Variants in SAP30 observed in about 807,000 individuals in gnomAD.
SAP30 encodes the protein Sin3A associated protein 30.
In SAP30, 13 loss-of-function variants were observed where a neutral mutation model predicts 19.6. The observed-to-expected ratio is 0.66, with a 90% CI of 0.43 to 1.05. The LOEUF (loss-of-function observed/expected upper bound fraction) is 1.05, where lower values mean the gene tolerates loss of function less well. SAP30 is among the 50% of genes least tolerant of loss of function. SAP30 has a pLI of 0.00. For missense variants in SAP30, 257 were observed against 292.1 expected, an observed-to-expected ratio of 0.88 and a Z score of 0.88; for synonymous variants, 108 against 122.7, an observed-to-expected ratio of 0.88 and a Z score of 0.79.
chr4:173,374,074 C>T (rs948477207), intron 3 of SAP30, 37 bp downstream of exon 3: 3 of 1,139,846 alleles, frequency 2.6e-6, no homozygotes, highest in Non-Finnish European at 3.9e-6. Context: ...ACTATCTGCA[C>T]AACCGAGAGG....
chr4:173,371,341 TGGGCCCCCGGGGGCGGCC>T lies in SAP30; in HGVS notation c.165_182del (p.Pro56_Pro61del). 7.0e-7 allele frequency: 1 copy of T among 1,425,430 alleles called. No homozygotes were observed. The highest frequency in any genetic ancestry group is 9.1e-7 in the Non-Finnish European group (1 of 1,096,356). The allele number at this position is 1,425,430 out of a possible 1,614,324, so 88.3% of individuals were successfully genotyped here. On this transcript the variant is annotated inframe_deletion, in exon 1 of 4. Transcript: ENST00000296504. This position sits in a 1 kb window ranked among gnomAD's most constrained non-coding sequence, Gnocchi z 6.4. ...CGGGCGCGGGGGCGGTCTCAGCGGCTGGGCCCCCGGGGGCGGCCGGGCCGGGCCCCGGGCAACTGTGCT... is the reference window on the plus strand; with the variant it reads ...CGGGCGCGGGGGCGGTCTCAGCGGCTGGGCCGGGCCCCGGGCAACTGTGCT...
At position 173,371,208 on chromosome 4, in the gene SAP30, T is replaced by C. The variant is rs752888154; in HGVS notation, c.26T>C (p.Met9Thr). MNGFTPDE[M>T]SRGGDAAAAV... is the part of the protein sequence containing the mutation. Reference sequence around the variant, plus strand: ...ATGAACGGCTTCACGCCTGACGAGATGAGCCGCGGCGGGGATGCGGCCGCC... The same window carrying C: ...ATGAACGGCTTCACGCCTGACGAGACGAGCCGCGGCGGGGATGCGGCCGCC... Residue 9 changes from methionine (M) to threonine (T), a missense_variant, in exon 1 of 4, where the codon ATG becomes ACG. By Grantham distance (81) the Met-to-Thr change is moderately conservative. Coordinates refer to ENST00000296504, the MANE Select transcript of SAP30 (RefSeq NM_003864.4). This position sits in a 1 kb window ranked among gnomAD's most constrained non-coding sequence, Gnocchi z 6.4. The C allele has an allele frequency of 1.0e-5, 15 of 1,458,704 alleles. No homozygotes were observed. The highest frequency in any genetic ancestry group is 6.9e-5 in the Admixed American group (3 of 43,662). 90.4% of individuals were successfully genotyped at this position (1,458,704 alleles called of 1,614,324 possible). A position where few individuals can be genotyped will look rare whatever the true frequency, so the allele number is the denominator to read the frequency against.
intron 2 of SAP30, 100 bp from the exon 3 acceptor site, chr4:173,373,839 A>AT (rs5864192): frequency 0.97 from 503,945 of 519,162 alleles, 245,024 homozygotes; most frequent in Non-Finnish European, 0.99. Flanking sequence ...TTGGAAGTAA[A>AT]TTTTATTGTG....
chr4:173,375,070 T>A (rs1739011977), intron 3 of SAP30, among the ~76,000 whole-genome samples: 1 of 150,544 alleles, frequency 6.6e-6, no homozygotes, highest in Admixed American at 6.6e-5. Context: ...AAATTTTTAC[T>A]TGCAGCTACT....
chr4:173,371,278 G>T lies in SAP30; in HGVS notation c.96G>T (p.Ala32=). 1 of 1,271,796 alleles carries T rather than the reference G, an allele frequency of 7.9e-7. No homozygotes were observed. Among genetic ancestry groups the T allele is most frequent in the African/African-American group, 1.6e-5 (1 of 62,730 alleles). 78.8% of individuals were successfully genotyped at this position (1,271,796 alleles called of 1,614,324 possible). A position where few individuals can be genotyped will look rare whatever the true frequency, so the allele number is the denominator to read the frequency against. Residue 32 remains alanine, a synonymous_variant, in exon 1 of 4, where the codon GCG becomes GCT. Transcript: ENST00000296504. This position sits in a 1 kb window ranked among gnomAD's most constrained non-coding sequence, Gnocchi z 6.4. ...CTGCCGCGGCCGCCGCCGCCTCGGCGGGGAACGGGACCGGCGCGGGCACCG... is the reference window on the plus strand; with the variant it reads ...CTGCCGCGGCCGCCGCCGCCTCGGCTGGGAACGGGACCGGCGCGGGCACCG... ...VVAAAAAAAS[A]GNGTGAGTGA... is the part of the protein sequence containing the mutation.
At chr4:173,373,726 C>T (rs1738990608) in intron 2 of SAP30, among the ~76,000 whole-genome samples, 1 of 152,122 alleles carries the variant, frequency 6.6e-6, no homozygotes, top group Non-Finnish European at 1.5e-5. Context: ...TGTCACATAA[C>T]TTACTCTTTT....
intron 3 of SAP30, among the ~76,000 whole-genome samples, chr4:173,374,239 A>T (rs1030337139): frequency 6.6e-6 from 1 of 152,188 alleles, no homozygotes; most frequent in African/African-American, 2.4e-5. Context: ...ACTGCTTAGT[A>T]GATTGTGTAC....
In SAP30 at chr4:173,371,645, C is replaced by A; in HGVS notation, c.315+148C>A. The stretch of plus-strand genomic sequence containing the variant: ...GGAGTCTGTGTTTGGAAGCAAATAA[C>A]AAAGTCGCTGCAACTCCTACCGCCA... On this transcript the variant is annotated intron_variant, in intron 1 of 3. Transcript: ENST00000296504. The surrounding 1 kb of genome is among the most constrained non-coding windows in gnomAD (Gnocchi z 6.4). 7.3e-7 allele frequency: 1 copy of A among 1,361,060 alleles called. No homozygotes were observed. The highest frequency in any genetic ancestry group is 9.6e-7 in the Non-Finnish European group (1 of 1,037,372). The allele number at this position is 1,361,060 out of a possible 1,614,324, so 84.3% of individuals were successfully genotyped here.
chr4:173,373,262 ATTATC>A, intron 1 of SAP30, 123 bp from the exon 2 acceptor site: 1 of 724,484 alleles, frequency 1.4e-6, no homozygotes, highest in Non-Finnish European at 2.1e-6. Flanking sequence ...TAAATATTCC[ATTATC>A]TTAACAATGG....
chr4:173,377,476 C>G lies in SAP30; in HGVS notation c.*149C>G, dbSNP rs1285195743. 1 of 685,646 alleles carries G rather than the reference C, an allele frequency of 1.5e-6. No homozygotes were observed. The highest frequency in any genetic ancestry group is 2.3e-6 in the Non-Finnish European group (1 of 433,176). The allele number at this position is 685,646 out of a possible 1,614,324, so 42.5% of individuals were successfully genotyped here. ...TGACTCTAATAATTAGTTGGAAACT[C>G]ATATAAAATGAGCTTTCCTAAATTA... On this transcript the variant is annotated 3_prime_UTR_variant, in exon 4 of 4. Transcript: ENST00000296504.
chr4:173,376,845 C>T (rs992441285), intron 3 of SAP30, among the ~76,000 whole-genome samples: 1 of 152,020 alleles, frequency 6.6e-6, no homozygotes, highest in Non-Finnish European at 1.5e-5. Flanking sequence ...TGGTCTCAAA[C>T]TCCTGGGCTC....
chr4:173,377,398 C>G lies in SAP30; in HGVS notation c.*71C>G. 1.4e-6 allele frequency: 2 copies of G among 1,434,268 alleles called. No homozygotes were observed. The highest frequency in any genetic ancestry group is 1.9e-6 in the Non-Finnish European group (2 of 1,063,722). 88.8% of individuals were successfully genotyped at this position (1,434,268 alleles called of 1,614,324 possible). A position where few individuals can be genotyped will look rare whatever the true frequency, so the allele number is the denominator to read the frequency against. ...CTGTTTTTTCACATGTAGAAATGTT[C>G]TTTGTGTATTTTTTCTACAGAGGAT... On this transcript the variant is annotated 3_prime_UTR_variant, in exon 4 of 4. Coordinates refer to ENST00000296504, the MANE Select transcript of SAP30 (RefSeq NM_003864.4).
chr4:173,372,247 T>C (rs1738955161), intron 1 of SAP30, among the ~76,000 whole-genome samples: 1 of 152,222 alleles, frequency 6.6e-6, no homozygotes, highest in Admixed American at 6.5e-5. Flanking sequence ...ATGAATAACA[T>C]GGTATCGAGA....
In SAP30 at chr4:173,371,246, G is replaced by A. The variant is rs1275812882; in HGVS notation, c.64G>A (p.Val22Met). The A allele has an allele frequency of 7.2e-7, 1 of 1,384,754 alleles. No individual in the cohort carries two copies. Among genetic ancestry groups the A allele is most frequent in the Non-Finnish European group, 9.3e-7 (1 of 1,071,028 alleles). The allele number at this position is 1,384,754 out of a possible 1,614,324, so 85.8% of individuals were successfully genotyped here. ...GGATGCGGCCGCCGCAGTGGCCGCAGTGGTCGCTGCCGCGGCCGCCGCCGC... is the reference window on the plus strand; with the variant it reads ...GGATGCGGCCGCCGCAGTGGCCGCAATGGTCGCTGCCGCGGCCGCCGCCGC... ...GGDAAAAVAAVVAAAAAAASA... is the reference protein window; with the variant it reads ...GGDAAAAVAAMVAAAAAAASA... Residue 22 changes from valine to methionine, a missense_variant, in exon 1 of 4, where the codon GTG becomes ATG. By Grantham distance (21) the Val-to-Met change is conservative (BLOSUM62 1). Coordinates refer to ENST00000296504, the MANE Select transcript of SAP30 (RefSeq NM_003864.4). The surrounding 1 kb of genome is among the most constrained non-coding windows in gnomAD (Gnocchi z 6.4).
intron 2 of SAP30, 39 bp from the exon 3 acceptor site, chr4:173,373,900 A>G (rs1738994165): frequency 9.9e-7 from 1 of 1,008,986 alleles, no homozygotes; most frequent in Non-Finnish European, 1.5e-6. Context: ...ATTTTCAACA[A>G]ATTGTATGAA....
chr4:173,373,483 G>A lies in SAP30; in HGVS notation c.409G>A (p.Asp137Asn), dbSNP rs766818739. 2.5e-6 allele frequency: 4 copies of A among 1,611,454 alleles called. No individual in the cohort carries two copies. Among genetic ancestry groups the A allele is most frequent in the Non-Finnish European group, 3.4e-6 (4 of 1,178,708 alleles). Residue 137 changes from aspartate (D) to asparagine (N), a missense_variant, in exon 2 of 4, where the codon GAT becomes AAT. Transcript: ENST00000296504. ...KRKGSDDDGGDSPVQDIDTPE... is the reference protein window; with the variant it reads ...KRKGSDDDGGNSPVQDIDTPE... ...AAAAGGGAGTGATGATGATGGAGGT[G>A]ATTCACCTGTTCAAGATATTGATAC...
rs545300726 is a variant in SAP30 at position 173,374,958 on chromosome 4, G to A, written c.540+921G>A. Among the ~76,000 whole-genome samples, 57 of 151,446 alleles carry A rather than the reference G, an allele frequency of 3.8e-4. 1 individual carries two copies. In the South Asian group the frequency reaches 0.011, roughly 30 times the overall value. On this transcript the variant is annotated intron_variant, in intron 3 of 3. Coordinates refer to ENST00000296504, the MANE Select transcript of SAP30 (RefSeq NM_003864.4). ...CACTGAGTTGTGAAAAGTTAACGGA[G>A]CATGCATATGTTTTCAGGATATAAT...
intron 1 of SAP30, among the ~76,000 whole-genome samples, chr4:173,373,133 T>A (rs971340496): frequency 6.6e-6 from 1 of 152,146 alleles, no homozygotes; most frequent in Non-Finnish European, 1.5e-5. Flanking sequence ...TTTCTCATTC[T>A]CCTCTCCCTC....
intron 1 of SAP30, among the ~76,000 whole-genome samples, chr4:173,372,648 C>T (rs1738962878): frequency 6.6e-6 from 1 of 152,182 alleles, no homozygotes; most frequent in African/African-American, 2.4e-5. Flanking sequence ...GGAAAGCATA[C>T]ATTATATTAC....
Sources: gnomAD v4.1 joint callset for allele counts (sites outside exome capture counted in the v4.1 genomes callset) on GRCh38, gnomAD v4.1.1 for gene constraint, Gnocchi (gnomAD v3.1) non-coding constraint, MANE v1.5 for transcripts, NCBI Gene and HGNC (gene_info 2026-07-23, HGNC 2026-07-21) for gene names.